The following FER1L6 variants were observed in gnomAD, a reference collection of about 807,000 sequenced individuals.
FER1L6 encodes the protein fer-1-like protein 6.
FER1L6 carries 177 observed loss-of-function variants against 219.2 expected under a neutral mutation model. The ratio of observed to expected loss-of-function variants is 0.81; its 90% CI spans 0.71 to 0.91. The LOEUF (loss-of-function observed/expected upper bound fraction) is 0.91. Ranked by LOEUF, FER1L6 falls within the 40% of genes least tolerant of loss-of-function variation. FER1L6 has a pLI of 0.00. For missense variants in FER1L6, 2,153 were observed against 2,259.9 expected (o/e 0.95, Z 0.96); for synonymous variants, 768 against 824.3 (o/e 0.93, Z 1.17).
intron 1 of FER1L6, among the ~76,000 whole-genome samples, chr8:123,938,695 T>C (rs1814105241): frequency 6.6e-6 from 1 of 152,010 alleles, no homozygotes; most frequent in Admixed American, 6.6e-5. Flanking sequence ...TACAGGTGCC[T>C]ACTGCCACAC....
rs544714546 is a variant in FER1L6 at position 123,871,196 on chromosome 8, C to T, written c.-8+19011C>T. Among the ~76,000 whole-genome samples, 3 of 152,248 alleles carry T rather than the reference C, an allele frequency of 2.0e-5. No individual in the cohort carries two copies. In the South Asian group the frequency reaches 6.2e-4, roughly 32 times the overall value. ...ACTTTACCATACAGATGGTTACATA[C>T]AGAAATATTTGTGTATGTATTCATA... is the stretch of plus-strand genomic sequence containing the variant. On this transcript the variant is annotated intron_variant, in intron 1 of 40. Coordinates refer to ENST00000522917, the MANE Select transcript of FER1L6 (RefSeq NM_001039112.2).
chr8:123,866,039 G>A (rs1445908267), intron 1 of FER1L6, among the ~76,000 whole-genome samples: 1 of 151,724 alleles, frequency 6.6e-6, no homozygotes, highest in Admixed American at 6.5e-5. Flanking sequence ...TATCACTGTT[G>A]GACATTTGGG....
chr8:123,910,899 A>C (rs1034191592), intron 1 of FER1L6, among the ~76,000 whole-genome samples: 21 of 152,180 alleles, frequency 1.4e-4, no homozygotes, highest in African/African-American at 4.8e-4. Flanking sequence ...GTCAGGTGGA[A>C]TAATCATGGG....
rs1285762678 is a variant in FER1L6, at chr8:124,071,495, T to C, written c.3967-11T>C. On this transcript the variant is annotated splice_polypyrimidine_tract_variant and intron_variant, in intron 30 of 40. Transcript: ENST00000522917. ...CATCTCATTTCAATGGGTTGCGTTT[T>C]GTGGTTCCAGGGCTCCTTCTGCATC... The C allele has an allele frequency of 2.5e-6, 4 of 1,613,946 alleles. No individual in the cohort carries two copies. Among genetic ancestry groups the C allele is most frequent in the Non-Finnish European group, 3.4e-6 (4 of 1,179,886 alleles).
At chr8:123,869,185 AT>A (rs1816885344) in intron 1 of FER1L6, among the ~76,000 whole-genome samples, 1 of 152,230 alleles carries the variant, frequency 6.6e-6, no homozygotes, top group African/African-American at 2.4e-5. Context: ...GCAAGAGTTA[AT>A]ATTTTAGTGT....
In FER1L6 at chr8:123,926,454, C is replaced by T. The variant is rs558094007; in HGVS notation, c.-7-29538C>T. On this transcript the variant is annotated intron_variant, in intron 1 of 40. Transcript: ENST00000522917. ...TGTGCATAGGGGAAAGGTTGGCCTG[C>T]GGCCAGCTCTGGGAGTTCGTCACCG... 3.9e-5 allele frequency among the ~76,000 whole-genome samples: 6 copies of T among 152,240 alleles called. No individual in the cohort carries two copies. In the South Asian group the frequency reaches 6.2e-4, roughly 16 times the overall value.
chr8:123,899,429 T>G (rs1812819992), intron 1 of FER1L6, among the ~76,000 whole-genome samples: 1 of 152,212 alleles, frequency 6.6e-6, no homozygotes, highest in Non-Finnish European at 1.5e-5. Flanking sequence ...GTCAGATGTA[T>G]AGATTGTGAA....
At chr8:124,101,070 TTTAAA>T (rs1371050245) in intron 37 of FER1L6, 22 bp from the exon 38 acceptor site, 2 of 1,609,392 alleles carry the variant, frequency 1.2e-6, no homozygotes, top group Admixed American at 3.3e-5. Flanking sequence ...ACTCTGAGTG[TTTAAA>T]TTATTTTGAA....
intron 1 of FER1L6, among the ~76,000 whole-genome samples, chr8:123,903,909 A>T (rs937211515): frequency 5.3e-5 from 8 of 152,242 alleles, no homozygotes; most frequent in Middle Eastern, 6.8e-3. Context: ...GAGAAGAGGG[A>T]TTTGACAATT....
chr8:123,944,675 C>T (rs895466540), intron 1 of FER1L6, among the ~76,000 whole-genome samples: 5 of 152,126 alleles, frequency 3.3e-5, no homozygotes, highest in African/African-American at 4.8e-5. Flanking sequence ...AGAGAAGTTA[C>T]GCATTTTGCT....
intron 34 of FER1L6, 116 bp downstream of exon 34, chr8:124,091,699 G>A (rs1822037113): frequency 9.1e-7 from 1 of 1,094,246 alleles, no homozygotes. Context: ...AGGCACAGTG[G>A]CTCACGTCTG....
chr8:123,855,738 A>ATG (rs1461301176), intron 1 of FER1L6, among the ~76,000 whole-genome samples: 4 of 146,214 alleles, frequency 2.7e-5, no homozygotes, highest in African/African-American at 1.0e-4. Context: ...TATACGTAAT[A>ATG]TGTGTGTATG....
intron 12 of FER1L6, among the ~76,000 whole-genome samples, chr8:123,987,705 G>A (rs997100050): frequency 6.6e-6 from 1 of 152,096 alleles, no homozygotes; most frequent in African/African-American, 2.4e-5. Flanking sequence ...TGTATATGGT[G>A]GAACATAGGG....
chr8:124,004,115 C>CAAAAAAAA (rs80310802), intron 13 of FER1L6: 6 of 78,462 alleles, frequency 7.6e-5, no homozygotes, highest in East Asian at 3.7e-4. Context: ...CTGAAAGACT[C>CAAAAAAAA]AAAAAAAAAA....
chr8:124,104,500 G>C (rs1381950026), intron 39 of FER1L6, among the ~76,000 whole-genome samples: 1 of 152,182 alleles, frequency 6.6e-6, no homozygotes, highest in Non-Finnish European at 1.5e-5. Flanking sequence ...ACAATGAAAA[G>C]GCATTTTATA....
chr8:123,930,340 C>T (rs1813722090), intron 1 of FER1L6, among the ~76,000 whole-genome samples: 1 of 137,816 alleles, frequency 7.3e-6, no homozygotes, highest in African/African-American at 2.5e-5. Flanking sequence ...AGCTTCCTCC[C>T]TCCCTGACAT....
At chr8:123,935,809 A>G (rs966951465) in intron 1 of FER1L6, among the ~76,000 whole-genome samples, 1 of 152,040 alleles carries the variant, frequency 6.6e-6, no homozygotes, top group African/African-American at 2.4e-5. Flanking sequence ...TAGACCAACT[A>G]TAAGATTCTG....
At chr8:123,971,886 G>A (rs1340915739) in intron 6 of FER1L6, among the ~76,000 whole-genome samples, 1 of 152,174 alleles carries the variant, frequency 6.6e-6, no homozygotes, top group Admixed American at 6.6e-5. Flanking sequence ...CAGAGTCCTG[G>A]TGATTTAACA....
chr8:124,094,679 G>A (rs1190526280), intron 34 of FER1L6, among the ~76,000 whole-genome samples: 2 of 152,096 alleles, frequency 1.3e-5, no homozygotes, highest in Non-Finnish European at 2.9e-5. Context: ...TAGAGAAAGG[G>A]TTTCACCATT....
Sources: gnomAD v4.1 joint callset for allele counts (sites outside exome capture counted in the v4.1 genomes callset) on GRCh38, gnomAD v4.1.1 for gene constraint, MANE v1.5 for transcripts, NCBI Gene and HGNC (gene_info 2026-07-23, HGNC 2026-07-21) for gene names.